Variants in GPHN observed in about 807,000 individuals in gnomAD.
GPHN encodes the protein gephyrin.
GPHN carries 17 observed loss-of-function variants against 95.5 expected under a neutral mutation model. That is an observed-to-expected ratio of 0.18 (90% CI 0.12 to 0.27). The LOEUF (loss-of-function observed/expected upper bound fraction) is 0.27. GPHN is among the 10% of genes least tolerant of loss of function. The pLI, the probability that GPHN is intolerant of heterozygous loss-of-function variation, is 1.00. For synonymous variants in GPHN, 320 were observed against 322.5 expected, an observed-to-expected ratio of 0.99 and a Z score of 0.08; for missense variants, 660 against 978.1, an observed-to-expected ratio of 0.67 and a Z score of 4.34.
chr14:67,104,620 T>A (rs898927091), intron 13 of GPHN, among the ~76,000 whole-genome samples: 5 of 152,188 alleles, frequency 3.3e-5, no homozygotes, highest in Non-Finnish European at 1.5e-5. Context: ...TCACTTCTGC[T>A]AGGTTTTCTA....
chr14:66,687,599 C>G (rs1243934990), intron 2 of GPHN, among the ~76,000 whole-genome samples: 1 of 150,040 alleles, frequency 6.7e-6, no homozygotes, highest in Non-Finnish European at 1.5e-5. Flanking sequence ...AAGCGGTTCT[C>G]CTGCCTCAGC....
At chr14:66,892,476 A>G (rs2064567914) in intron 5 of GPHN, among the ~76,000 whole-genome samples, 1 of 152,204 alleles carries the variant, frequency 6.6e-6, no homozygotes, top group Non-Finnish European at 1.5e-5. Flanking sequence ...TATTCATAAC[A>G]TCATTATTCA....
intron 9 of GPHN, among the ~76,000 whole-genome samples, chr14:66,983,984 A>G (rs989502274): frequency 6.6e-6 from 1 of 152,178 alleles, no homozygotes; most frequent in Non-Finnish European, 1.5e-5. Flanking sequence ...TTTGTCATCA[A>G]CTTCCAGTGT....
intron 1 of GPHN, among the ~76,000 whole-genome samples, chr14:66,626,255 G>T (rs76951836): frequency 1.3e-5 from 2 of 152,126 alleles, no homozygotes; most frequent in African/African-American, 4.8e-5. Context: ...AGTAAATGGA[G>T]CCTAAAATGC....
chr14:66,619,811 A>C (rs981073830), intron 1 of GPHN, among the ~76,000 whole-genome samples: 2 of 152,130 alleles, frequency 1.3e-5, no homozygotes, highest in Non-Finnish European at 2.9e-5. Context: ...TAGAAATACA[A>C]TTGATTTTTG....
chr14:67,340,944 G>A, the GPHN span, among the ~76,000 whole-genome samples: 2 of 152,248 alleles, frequency 1.3e-5, no homozygotes, highest in Admixed American at 6.5e-5. Flanking sequence ...CCGAGGTGCC[G>A]GGATTGCAGA....
At chr14:66,922,604 A>C (rs2066279939) in intron 6 of GPHN, 62 bp from the exon 7 acceptor site, 7 of 1,313,420 alleles carry the variant, frequency 5.3e-6, no homozygotes, top group Non-Finnish European at 6.4e-6. Flanking sequence ...TTTGATTGCC[A>C]CCATCTTATA....
Position 66,840,736 on chromosome 14 carries a change from C to CAA in GPHN, c.294+16187_294+16188dup, listed in dbSNP as rs553788734. 4.4e-3 allele frequency among the ~76,000 whole-genome samples: 353 copies of CAA among 81,146 alleles called. 4 individuals are homozygous for CAA. Among genetic ancestry groups the CAA allele is most frequent in the African/African-American group, 0.011 (323 of 28,390 alleles). 53.2% of individuals were successfully genotyped at this position (81,146 alleles called of 152,430 possible). Reference sequence around the variant, plus strand: ...GATCACTTATAGAGTGCAGGCCATACAAAAAAAAAAAAAAAAAACAGGAAA... The same window carrying CAA: ...GATCACTTATAGAGTGCAGGCCATACAAAAAAAAAAAAAAAAAAAACAGGAAA... On this transcript the variant is annotated intron_variant, in intron 4 of 22. Transcript: ENST00000478722.
chr14:67,236,271 A>G, the GPHN span, among the ~76,000 whole-genome samples: 1 of 152,094 alleles, frequency 6.6e-6, no homozygotes, highest in African/African-American at 2.4e-5. Context: ...AAAGCCATGT[A>G]TAAGATCCTG....
At chr14:67,144,278 TATATATATAC>T (rs2080755752) in intron 18 of GPHN, among the ~76,000 whole-genome samples, 3 of 111,156 alleles carry the variant, frequency 2.7e-5, no homozygotes, top group Non-Finnish European at 5.5e-5. Context: ...TATATATATA[TATATATATAC>T]ACACACACAT....
chr14:66,845,855 G>C (rs930161067), intron 4 of GPHN, among the ~76,000 whole-genome samples: 9 of 147,654 alleles, frequency 6.1e-5, no homozygotes, highest in Non-Finnish European at 1.2e-4. Context: ...GTGTGTGTGT[G>C]TGTGTCTGTG....
At chr14:67,654,554 T>C in the GPHN span, among the ~76,000 whole-genome samples, 1 of 152,310 alleles carries the variant, frequency 6.6e-6, no homozygotes, top group South Asian at 2.1e-4. Context: ...ATTGTGAATT[T>C]TCACTGAAGA....
the GPHN span, among the ~76,000 whole-genome samples, chr14:67,629,834 C>T: frequency 1.3e-5 from 2 of 152,148 alleles, no homozygotes; most frequent in South Asian, 2.1e-4. Flanking sequence ...CACAGAAAAC[C>T]TTTCTAAGGA....
At chr14:67,552,923 G>C in the GPHN span, among the ~76,000 whole-genome samples, 4 of 152,206 alleles carry the variant, frequency 2.6e-5, no homozygotes, top group Non-Finnish European at 5.9e-5. Flanking sequence ...TTCAGTAATA[G>C]CATGTGCATG....
At chr14:66,874,029 G>A (rs183438162) in intron 4 of GPHN, among the ~76,000 whole-genome samples, 108 of 152,310 alleles carry the variant, frequency 7.1e-4, no homozygotes, top group Admixed American at 2.0e-3. Context: ...GGTGAATGCC[G>A]CTCTGGGACG....
intron 1 of GPHN, among the ~76,000 whole-genome samples, chr14:66,526,774 C>T (rs2058708638): frequency 6.6e-6 from 1 of 152,080 alleles, no homozygotes; most frequent in Admixed American, 6.5e-5. Context: ...TGGTAGATTA[C>T]ATTTATTGAT....
chr14:66,930,320 T>C (rs2066718713), intron 8 of GPHN, among the ~76,000 whole-genome samples: 1 of 152,138 alleles, frequency 6.6e-6, no homozygotes, highest in South Asian at 2.1e-4. Context: ...ATTGTTAGTT[T>C]TTTGGTTTGA....
chr14:67,719,023 A>G, the GPHN span, among the ~76,000 whole-genome samples: 5 of 152,352 alleles, frequency 3.3e-5, no homozygotes, highest in African/African-American at 9.6e-5. Flanking sequence ...AGATACACCA[A>G]CAAAGTTGGG....
the GPHN span, among the ~76,000 whole-genome samples, chr14:67,231,592 C>T: frequency 6.6e-6 from 1 of 151,876 alleles, no homozygotes; most frequent in African/African-American, 2.4e-5. Context: ...TATTCTATCT[C>T]CTGATTGCGG....
Sources: gnomAD v4.1 joint callset for allele counts (sites outside exome capture counted in the v4.1 genomes callset) on GRCh38, gnomAD v4.1.1 for gene constraint, MANE v1.5 for transcripts, NCBI Gene and HGNC (gene_info 2026-07-23, HGNC 2026-07-21) for gene names.